GRHPR: variants seen among roughly 807,000 people sequenced by gnomAD.
The protein encoded by GRHPR is glyoxylate reductase/hydroxypyruvate reductase.
GRHPR carries 35 observed loss-of-function variants against 36.8 expected under a neutral mutation model. That is an observed-to-expected ratio of 0.95 (90% CI 0.73 to 1.26). The LOEUF (loss-of-function observed/expected upper bound fraction) is 1.26, where lower values mean the gene tolerates loss of function less well. Ranked by LOEUF, GRHPR falls within the 50% of genes most tolerant of loss-of-function variation. The probability of loss-of-function intolerance (pLI) is 0.00; values close to 1 mark genes in which losing one functional copy is unlikely to be tolerated. For synonymous variants in GRHPR, 179 were observed against 181.0 expected (o/e 0.99, Z 0.09); for missense variants, 380 against 435.0 (o/e 0.87, Z 1.12).
chr9:37,429,369 G>A (rs1823239701), intron 5 of GRHPR: 2 of 365,340 alleles, frequency 5.5e-6, no homozygotes, highest in Admixed American at 7.5e-5. Context: ...AGAGGGTCCA[G>A]GACAAAGGAG....
intron 7 of GRHPR, 58 bp from the exon 8 acceptor site, chr9:37,431,950 A>C (rs1333583115): frequency 1.2e-6 from 2 of 1,601,034 alleles, no homozygotes; most frequent in Non-Finnish European, 1.7e-6. Context: ...GTTCTGCCTC[A>C]AAGGTGGCCT....
At chr9:37,432,978 G>A (rs1365735310) in intron 8 of GRHPR, among the ~76,000 whole-genome samples, 1 of 152,238 alleles carries the variant, frequency 6.6e-6, no homozygotes, top group Non-Finnish European at 1.5e-5. Flanking sequence ...GCTCCCTCCT[G>A]CCCTCCCTTC....
chr9:37,422,613 C>G, upstream of GRHPR: 6 of 721,458 alleles, frequency 8.3e-6, no homozygotes, highest in South Asian at 7.6e-5. Flanking sequence ...CCGGCGCTCC[C>G]TCTCGCGAAG....
At chr9:37,435,183 T>G (rs552643416) in intron 8 of GRHPR, among the ~76,000 whole-genome samples, 1 of 152,124 alleles carries the variant, frequency 6.6e-6, no homozygotes, top group Non-Finnish European at 1.5e-5. Context: ...CCTAGGAGGT[T>G]GAGGCTGTAG....
intron 8 of GRHPR, 135 bp from the exon 9 acceptor site, chr9:37,436,526 G>A: frequency 1.0e-6 from 1 of 956,990 alleles, no homozygotes; most frequent in Non-Finnish European, 1.7e-6. Context: ...AGGTGGGAGA[G>A]AAGGCAAAGC....
rs72739643 is a variant in GRHPR, at chr9:37,429,981, G to T, written c.598+145G>T. 1.3e-3 allele frequency: 903 copies of T among 692,574 alleles called. 3 individuals are homozygous for T. The highest frequency in any genetic ancestry group is 1.9e-3 in the Non-Finnish European group (718 of 380,518). The allele number at this position is 692,574 out of a possible 1,614,324, so 42.9% of individuals were successfully genotyped here. On this transcript the variant is annotated intron_variant, in intron 6 of 8. Transcript: ENST00000318158. ...TGTCTGGTAGATGTTTAATCTACCT[G>T]CCCCTGGACACTGGCCCACTCAGGG...
intron 4 of GRHPR, chr9:37,427,595 G>A (rs976945508): frequency 6.6e-6 from 1 of 152,256 alleles, no homozygotes; most frequent in Admixed American, 6.5e-5. Flanking sequence ...CCAGCACTTT[G>A]GGAGGCCGAG....
chr9:37,431,475 C>CT (rs1216281347), intron 7 of GRHPR: 1 of 236,586 alleles, frequency 4.2e-6, no homozygotes, highest in Non-Finnish European at 8.4e-6. Flanking sequence ...AATATACAGT[C>CT]TCTAGAAGAT....
chr9:37,430,639 AT>A lies in GRHPR; in HGVS notation c.728del (p.Ile243ThrfsTer7). The A allele has an allele frequency of 6.2e-7, 1 of 1,613,546 alleles. No homozygotes were observed. The highest frequency in any genetic ancestry group is 8.5e-7 in the Non-Finnish European group (1 of 1,179,546). The part of the protein sequence containing the change: ...KMKETAVFIN[I>X]SRGDVVNQDD... ...GAAGGAAACAGCTGTGTTCATCAAC[AT>A]CAGCAGGTATCCTAGGGCCACCTTA... On this transcript the variant is annotated frameshift_variant, in exon 7 of 9. Transcript: ENST00000318158. LOFTEE classifies it high-confidence loss of function.
chr9:37,428,903 C>T (rs1564299428), intron 5 of GRHPR: 1 of 437,726 alleles, frequency 2.3e-6, no homozygotes, highest in Non-Finnish European at 4.3e-6. Flanking sequence ...CCCATTCCCC[C>T]GACACCTACT....
chr9:37,438,348 G>A (rs2118923295), downstream of GRHPR: 1 of 152,644 alleles, frequency 6.6e-6, no homozygotes, highest in Admixed American at 6.5e-5. Context: ...TGGTTTTCCA[G>A]GGAACCCTGG....
Position 37,424,986 on chromosome 9 carries a change from G to A in GRHPR, c.214+11G>A. ...TCCTGGATGCTGCAGGTGCACACTG[G>A]GTGGGCAGGGGACTTGAGGGTGGCT... On this transcript the variant is annotated intron_variant, in intron 2 of 8. Coordinates refer to ENST00000318158, the MANE Select transcript of GRHPR (RefSeq NM_012203.2). 1.9e-6 allele frequency: 3 copies of A among 1,610,842 alleles called. No homozygotes were observed. The highest frequency in any genetic ancestry group is 2.5e-6 in the Non-Finnish European group (3 of 1,179,338).
chr9:37,425,754 T>C (rs762166443), intron 2 of GRHPR, among the ~76,000 whole-genome samples, 168 bp from the exon 3 acceptor site: 9 of 152,224 alleles, frequency 5.9e-5, no homozygotes, highest in Non-Finnish European at 1.2e-4. Flanking sequence ...TGAACTGCAG[T>C]GTCTGAGGCT....
At chr9:37,422,574 A>C (rs1822875373), upstream of GRHPR, 4 of 645,916 alleles carry the variant, frequency 6.2e-6, no homozygotes, top group Admixed American at 6.5e-5. Flanking sequence ...TCACTCCCCG[A>C]GCACGCACAG....
intron 7 of GRHPR, 140 bp downstream of exon 7, chr9:37,430,786 A>G (rs1157513333): frequency 6.3e-6 from 5 of 799,500 alleles, no homozygotes; most frequent in Non-Finnish European, 1.1e-5. Flanking sequence ...CAACCAACTC[A>G]GAAATTCGTG....
At chr9:37,426,033 G>T in intron 3 of GRHPR, 39 bp downstream of exon 3, 1 of 1,354,650 alleles carries the variant, frequency 7.4e-7, no homozygotes, top group Non-Finnish European at 1.1e-6. Context: ...CCTAGAGAGA[G>T]GGGTGGCTAT....
At position 37,422,790 on chromosome 9, in the gene GRHPR, A is replaced by G; in HGVS notation, c.40A>G (p.Arg14Gly). ...VRLMKVFVTR[R>G]IPAEGRVALA... is the part of the protein sequence containing the mutation. ...ACTCATGAAGGTGTTCGTCACCCGC[A>G]GGATACCCGCCGAGGGTAGGGTCGC... Residue 14 changes from arginine (R) to glycine (G), a missense_variant, in exon 1 of 9, where the codon AGG (arginine) becomes GGG (glycine). By Grantham distance (125) the Arg-to-Gly change is moderately radical. Coordinates refer to ENST00000318158, the MANE Select transcript of GRHPR (RefSeq NM_012203.2). 1 of 1,601,220 alleles carries G rather than the reference A, an allele frequency of 6.2e-7. No individual in the cohort carries two copies. The highest frequency in any genetic ancestry group is 2.3e-5 in the East Asian group (1 of 44,226).
chr9:37,429,227 G>A (rs1397659782), intron 5 of GRHPR: 2 of 261,938 alleles, frequency 7.6e-6, no homozygotes, highest in East Asian at 1.9e-4. Flanking sequence ...GGCACGTTCT[G>A]AGCCTGAAAA....
At chr9:37,434,029 T>TG in intron 8 of GRHPR, 14 of 272,194 alleles carry the variant, frequency 5.1e-5, no homozygotes, top group East Asian at 1.7e-4. Context: ...AAAACTGCCC[T>TG]CCCACCCCCA....
Sources: allele counts gnomAD v4.1 joint callset (sites outside exome capture counted in the v4.1 genomes callset), GRCh38; gene constraint gnomAD v4.1.1; transcripts MANE v1.5; gene names NCBI Gene and HGNC (gene_info 2026-07-23, HGNC 2026-07-21).